Variants in SYN2 observed in about 807,000 individuals in gnomAD.
The protein encoded by SYN2 is synapsin II.
SYN2 carries 19 observed loss-of-function variants against 50.9 expected under a neutral mutation model. The ratio of observed to expected loss-of-function variants is 0.37; its 90% CI spans 0.26 to 0.55. The LOEUF is 0.55. Ranked by LOEUF, SYN2 falls within the 20% of genes least tolerant of loss-of-function variation. The probability of loss-of-function intolerance (pLI) is 0.81; values close to 1 mark genes in which losing one functional copy is unlikely to be tolerated. For missense variants in SYN2, 587 were observed against 576.4 expected (o/e 1.02, Z -0.19); for synonymous variants, 255 against 224.9 (o/e 1.13, Z -1.20).
chr3:12,158,875 T>C lies in SYN2; in HGVS notation c.775-2671T>C, dbSNP rs746630443. The C allele has an allele frequency of 1.1e-5, 16 of 1,515,948 alleles. No homozygotes were observed. In the African/African-American group the frequency reaches 2.2e-4, roughly 21 times the overall value. The allele number at this position is 1,515,948 out of a possible 1,614,324, so 93.9% of individuals were successfully genotyped here. Reference sequence around the variant, plus strand: ...GATCCGCGACTGAGCCTGTGAGGTCTGGGGGACTGGACGGCCCCAGCAGGG... The same window carrying C: ...GATCCGCGACTGAGCCTGTGAGGTCCGGGGGACTGGACGGCCCCAGCAGGG... On this transcript the variant is annotated intron_variant, in intron 5 of 12. Coordinates refer to ENST00000621198, the MANE Select transcript of SYN2 (RefSeq NM_133625.6).
chr3:12,176,257 G>A (rs552337527), intron 10 of SYN2, among the ~76,000 whole-genome samples: 1 of 152,332 alleles, frequency 6.6e-6, no homozygotes, highest in South Asian at 2.1e-4. Flanking sequence ...GGGGGACAGA[G>A]CTTTCAGGCC....
At chr3:12,020,029 T>C (rs1694099338) in intron 1 of SYN2, among the ~76,000 whole-genome samples, 1 of 152,196 alleles carries the variant, frequency 6.6e-6, no homozygotes, top group Admixed American at 6.5e-5. Context: ...TGACAGATGT[T>C]GCGTAGGTTG....
intron 1 of SYN2, among the ~76,000 whole-genome samples, chr3:12,108,330 G>T (rs1001914771): frequency 6.6e-6 from 1 of 152,248 alleles, no homozygotes; most frequent in African/African-American, 2.4e-5. Flanking sequence ...GCCCAGTATA[G>T]TGAGTTGGTG....
intron 1 of SYN2, among the ~76,000 whole-genome samples, chr3:12,115,643 T>C (rs191075064): frequency 6.6e-6 from 1 of 152,290 alleles, no homozygotes; most frequent in African/African-American, 2.4e-5. Flanking sequence ...GACCCAGAAT[T>C]CCAATTTACA....
rs1434023953 is a variant in SYN2 at position 12,129,471 on chromosome 3, A to G, written c.378-11180A>G. 2.0e-5 allele frequency among the ~76,000 whole-genome samples: 3 copies of G among 151,968 alleles called. No homozygotes were observed. The East Asian group carries it at 5.8e-4, about 29-fold the overall frequency. ...AAACCCAGATTAGTCTAGCTCTAAA[A>G]TTCACACTCTTTCCACTGTGCCACT... is the stretch of plus-strand genomic sequence containing the variant. On this transcript the variant is annotated intron_variant, in intron 1 of 12. Coordinates refer to ENST00000621198, the MANE Select transcript of SYN2 (RefSeq NM_133625.6).
chr3:12,020,031 C>T (rs952429308), intron 1 of SYN2, among the ~76,000 whole-genome samples: 11 of 152,054 alleles, frequency 7.2e-5, no homozygotes, highest in Admixed American at 5.9e-4. Flanking sequence ...ACAGATGTTG[C>T]GTAGGTTGGA....
At position 12,130,699 on chromosome 3, in the gene SYN2, A is replaced by G. The variant is rs56115221; in HGVS notation, c.378-9952A>G. On this transcript the variant is annotated intron_variant, in intron 1 of 12. Coordinates refer to ENST00000621198, the MANE Select transcript of SYN2 (RefSeq NM_133625.6). ...ATTAACTGTCATAGATGTGCTTTGT[A>G]TAAGGCAGTGGTGAGTGTGAGGTTG... Among the ~76,000 whole-genome samples the G allele has an allele frequency of 6.3e-3, 962 of 152,342 alleles. 4 individuals carry two copies. Among genetic ancestry groups the G allele is most frequent in the Non-Finnish European group, 0.01 (695 of 68,030 alleles).
At chr3:12,122,400 A>G (rs192011703) in intron 1 of SYN2, among the ~76,000 whole-genome samples, 73 of 152,330 alleles carry the variant, frequency 4.8e-4, no homozygotes, top group Admixed American at 2.7e-3. Flanking sequence ...TAGTAAGCCT[A>G]TAAGAAGATG....
At chr3:12,170,112 T>G (rs1053981567) in intron 10 of SYN2, among the ~76,000 whole-genome samples, 3 of 152,164 alleles carry the variant, frequency 2.0e-5, no homozygotes, top group Non-Finnish European at 2.9e-5. Context: ...TTCTCAGCAA[T>G]CTGCAATATC....
intron 1 of SYN2, among the ~76,000 whole-genome samples, chr3:12,105,386 C>T (rs1028749538): frequency 4.0e-5 from 6 of 151,600 alleles, no homozygotes; most frequent in East Asian, 3.9e-4. Flanking sequence ...TTTATCTATG[C>T]GCCATGGTTG....
At chr3:12,043,736 G>C (rs982494133) in intron 1 of SYN2, among the ~76,000 whole-genome samples, 1 of 152,120 alleles carries the variant, frequency 6.6e-6, no homozygotes, top group African/African-American at 2.4e-5. Context: ...TCAAAGGAGG[G>C]CCAGACATAT....
intron 1 of SYN2, among the ~76,000 whole-genome samples, chr3:12,020,689 C>T (rs1030360717): frequency 6.6e-6 from 1 of 152,100 alleles, no homozygotes; most frequent in Non-Finnish European, 1.5e-5. Context: ...TTTTGTTTGA[C>T]TTTAATGATT....
chr3:12,090,738 T>C (rs561785971), intron 1 of SYN2, among the ~76,000 whole-genome samples: 1 of 152,288 alleles, frequency 6.6e-6, no homozygotes, highest in African/African-American at 2.4e-5. Context: ...CTTGGCCTAA[T>C]TGATGTCGTG....
intron 1 of SYN2, among the ~76,000 whole-genome samples, chr3:12,119,902 T>C (rs528106471): frequency 2.0e-5 from 3 of 152,192 alleles, no homozygotes; most frequent in Non-Finnish European, 2.9e-5. Flanking sequence ...GTAGAAGCTT[T>C]CAATAGCAAC....
intron 1 of SYN2, among the ~76,000 whole-genome samples, chr3:12,044,204 CA>C (rs772817410): frequency 0.045 from 6,806 of 150,794 alleles, 231 homozygotes; most frequent in East Asian, 0.14. Context: ...CACACACACA[CA>C]CACACACACA....
rs575912007 is a variant in SYN2 at position 12,180,535 on chromosome 3, C to G, written c.1309-2777C>G. Among the ~76,000 whole-genome samples the G allele has an allele frequency of 2.6e-4, 39 of 152,310 alleles. No individual in the cohort carries two copies. In the South Asian group the frequency reaches 8.1e-3, roughly 32 times the overall value. On this transcript the variant is annotated intron_variant, in intron 10 of 12. Coordinates refer to ENST00000621198, the MANE Select transcript of SYN2 (RefSeq NM_133625.6). ...AGCCAAGCCCCACAGGGAATAGGCC[C>G]GGAGCCCCTAGTAGACAGCAGGCTT...
intron 11 of SYN2, 123 bp downstream of exon 11, chr3:12,183,495 A>C: frequency 6.3e-7 from 1 of 1,596,460 alleles, no homozygotes; most frequent in Non-Finnish European, 8.5e-7. Flanking sequence ...AACAAACGAA[A>C]GGAAAGCGGG....
At chr3:12,147,773 A>G (rs541971003) in intron 4 of SYN2, among the ~76,000 whole-genome samples, 1 of 152,242 alleles carries the variant, frequency 6.6e-6, no homozygotes, top group Non-Finnish European at 1.5e-5. Context: ...ACCTGCCACC[A>G]CTTTGACAGC....
chr3:12,184,187 T>C (rs1698289244), intron 11 of SYN2: 1 of 985,704 alleles, frequency 1.0e-6, no homozygotes, highest in East Asian at 1.1e-4. Context: ...TACCCTTTAT[T>C]TTATTATTAA....
Sources: allele counts gnomAD v4.1 joint callset (sites outside exome capture counted in the v4.1 genomes callset), GRCh38; gene constraint gnomAD v4.1.1; transcripts MANE v1.5; gene names NCBI Gene and HGNC (gene_info 2026-07-23, HGNC 2026-07-21).